ATF7IP: variants seen among roughly 807,000 people sequenced by gnomAD.
ATF7IP encodes the protein activating transcription factor 7-interacting protein 1.
In ATF7IP, 23 loss-of-function variants were observed where a neutral mutation model predicts 106.4. That is an observed-to-expected ratio of 0.22 (90% CI 0.16 to 0.31). The LOEUF is 0.31. Ranked by LOEUF, ATF7IP falls within the 10% of genes least tolerant of loss-of-function variation. The pLI, the probability that ATF7IP is intolerant of heterozygous loss-of-function variation, is 1.00. For missense variants in ATF7IP, 1,334 were observed against 1,524.3 expected (o/e 0.88, Z 2.08); for synonymous variants, 542 against 539.0 (o/e 1.01, Z -0.08).
intron 1 of ATF7IP, among the ~76,000 whole-genome samples, chr12:14,369,726 T>C (rs1216489447): frequency 6.6e-6 from 1 of 152,070 alleles, no homozygotes; most frequent in Admixed American, 6.5e-5. Context: ...TGTGGACATA[T>C]CTGTGTTTTG....
chr12:14,482,468 G>A (rs1944463352), intron 13 of ATF7IP: 2 of 152,280 alleles, frequency 1.3e-5, no homozygotes, highest in African/African-American at 4.8e-5. Flanking sequence ...GATGTAGGCT[G>A]GAAGGCTAGC....
chr12:14,385,869 G>GA (rs555480285), intron 1 of ATF7IP, among the ~76,000 whole-genome samples: 3 of 151,726 alleles, frequency 2.0e-5, no homozygotes, highest in South Asian at 4.2e-4. Flanking sequence ...TATAAATCAT[G>GA]AAAAAAAATT....
In ATF7IP at chr12:14,466,509, C is replaced by CT. The variant is rs1194567668; in HGVS notation, c.2798-10dup. On this transcript the variant is annotated splice_polypyrimidine_tract_variant and intron_variant, in intron 9 of 14. Transcript: ENST00000261168. ...ATTTTGTAGATGTTTTTAAAAATGG[C>CT]TTTTTTTACTTTTCAGAAAACCAGA... 1.1e-5 allele frequency: 17 copies of CT among 1,590,592 alleles called. No individual in the cohort carries two copies. The African/African-American group carries it at 1.8e-4, about 17-fold the overall frequency.
intron 1 of ATF7IP, among the ~76,000 whole-genome samples, chr12:14,381,886 TA>T (rs1565471855): frequency 2.0e-5 from 3 of 151,952 alleles, no homozygotes; most frequent in Non-Finnish European, 4.4e-5. Flanking sequence ...TTTCTTTCTT[TA>T]CTAATTGTGT....
intron 6 of ATF7IP, 141 bp from the exon 7 acceptor site, chr12:14,456,420 T>C: frequency 1.7e-6 from 1 of 580,122 alleles, no homozygotes; most frequent in Non-Finnish European, 3.0e-6. Context: ...ATTCAAATTA[T>C]TGTCTCAGCT....
In ATF7IP at chr12:14,424,808, A is replaced by C. The variant is rs1303072851; in HGVS notation, c.893A>C (p.Glu298Ala). The C allele has an allele frequency of 6.2e-7, 1 of 1,614,136 alleles. No homozygotes were observed. The highest frequency in any genetic ancestry group is 8.5e-7 in the Non-Finnish European group (1 of 1,180,016). The change falls in exon 2 of 15, where the codon GAA becomes GCA. Residue 298 changes from glutamate to alanine, a missense_variant. Physicochemically the swap from Glu to Ala is moderately radical, Grantham distance 107. Transcript: ENST00000261168. The stretch of plus-strand genomic sequence containing the variant: ...GAACCAAAGTCTGTACCAGTTTGTG[A>C]ACCAGTTCCTGAAATTGACAATATA... ...TFEPKSVPVC[E>A]PVPEIDNIEP...
At position 14,461,097 on chromosome 12, in the gene ATF7IP, G is replaced by A. The variant is rs1002042475; in HGVS notation, c.2761G>A (p.Ala921Thr). ...AATTTCTGCATTTAGTACTTCGTCT[G>A]CTGCAGAACAGAACAGCAATACCAC... ...IPISAFSTSS[A>T]AEQNSNTTPR... Residue 921 changes from alanine (A) to threonine (T), a missense_variant, in exon 9 of 15, where the codon GCT (alanine) becomes ACT (threonine). By Grantham distance (58) the Ala-to-Thr change is moderately conservative. Coordinates refer to ENST00000261168, the MANE Select transcript of ATF7IP (RefSeq NM_018179.5). 1.2e-6 allele frequency: 2 copies of A among 1,614,092 alleles called. No individual in the cohort carries two copies. Among genetic ancestry groups the A allele is most frequent in the Non-Finnish European group, 1.7e-6 (2 of 1,179,948 alleles).
chr12:14,436,360 T>C, intron 4 of ATF7IP, 109 bp downstream of exon 4: 1 of 1,165,028 alleles, frequency 8.6e-7, no homozygotes, highest in Non-Finnish European at 1.2e-6. Context: ...TGGTTTATCA[T>C]AGAAAGAAAG....
intron 1 of ATF7IP, among the ~76,000 whole-genome samples, chr12:14,384,396 C>T (rs542721016): frequency 6.6e-6 from 1 of 152,260 alleles, no homozygotes; most frequent in East Asian, 1.9e-4. Context: ...TCAAATTTGT[C>T]TTGCTAATAT....
At chr12:14,377,588 C>G (rs1938804024) in intron 1 of ATF7IP, among the ~76,000 whole-genome samples, 1 of 151,448 alleles carries the variant, frequency 6.6e-6, no homozygotes, top group Admixed American at 6.6e-5. Context: ...ATCTCCTGAC[C>G]TCGTGAGCCA....
intron 12 of ATF7IP, among the ~76,000 whole-genome samples, chr12:14,479,974 G>A (rs1453547964): frequency 6.6e-6 from 1 of 152,260 alleles, no homozygotes; most frequent in Non-Finnish European, 1.5e-5. Flanking sequence ...CCCATGGGCA[G>A]TGTAGATTAT....
At chr12:14,385,543 A>G in intron 1 of ATF7IP, 3 of 686,784 alleles carry the variant, frequency 4.4e-6, no homozygotes, top group South Asian at 4.0e-5. Flanking sequence ...TTAAGCCTTT[A>G]TTATGGAAAC....
At chr12:14,463,707 G>T (rs1943723095) in intron 9 of ATF7IP, among the ~76,000 whole-genome samples, 1 of 152,122 alleles carries the variant, frequency 6.6e-6, no homozygotes, top group Non-Finnish European at 1.5e-5. Context: ...GAAGGGGTAG[G>T]AATAGTGTTA....
intron 11 of ATF7IP, among the ~76,000 whole-genome samples, chr12:14,477,503 T>G (rs1029114932): frequency 3.3e-5 from 5 of 152,206 alleles, no homozygotes; most frequent in African/African-American, 1.2e-4. Context: ...TAGGCTTAAT[T>G]CTGGATTAAA....
intron 1 of ATF7IP, among the ~76,000 whole-genome samples, chr12:14,378,077 A>G (rs1938828301): frequency 6.6e-6 from 1 of 151,320 alleles, no homozygotes; most frequent in Admixed American, 6.6e-5. Context: ...AGACTGAACA[A>G]TATATTCAGT....
At chr12:14,477,149 A>C (rs776345859) in intron 11 of ATF7IP, among the ~76,000 whole-genome samples, 48 of 152,294 alleles carry the variant, frequency 3.2e-4, no homozygotes, top group Non-Finnish European at 5.6e-4. Flanking sequence ...GTTACTTCTT[A>C]TTATCTTAAA....
intron 1 of ATF7IP, among the ~76,000 whole-genome samples, chr12:14,391,838 C>T (rs1939570526): frequency 6.6e-6 from 1 of 152,218 alleles, no homozygotes; most frequent in Non-Finnish European, 1.5e-5. Context: ...CTTCCTGCCT[C>T]AGCCTCCTGA....
chr12:14,496,376 C>A, intron 14 of ATF7IP, 33 bp downstream of exon 14: 1 of 1,403,508 alleles, frequency 7.1e-7, no homozygotes, highest in South Asian at 1.2e-5. Flanking sequence ...GCAAAATTCT[C>A]AACTGTAGAG....
intron 1 of ATF7IP, 39 bp from the exon 2 acceptor site, chr12:14,423,870 G>C (rs754332547): frequency 1.3e-6 from 2 of 1,530,912 alleles, no homozygotes; most frequent in Non-Finnish European, 1.7e-6. Flanking sequence ...GGTGGCTTCT[G>C]TTTCAGTTAT....
Sources: allele counts gnomAD v4.1 joint callset (sites outside exome capture counted in the v4.1 genomes callset), GRCh38; gene constraint gnomAD v4.1.1; transcripts MANE v1.5; gene names NCBI Gene and HGNC (gene_info 2026-07-23, HGNC 2026-07-21).